The following SORCS2 variants were observed in gnomAD, a reference collection of about 807,000 sequenced individuals.
The protein encoded by SORCS2 is sortilin related VPS10 domain containing receptor 2.
A neutral mutation model predicts 141.6 loss-of-function variants in SORCS2; 100 were observed. The ratio of observed to expected loss-of-function variants is 0.71; its 90% CI spans 0.60 to 0.83. SORCS2 has a LOEUF of 0.83. SORCS2 is among the 40% of genes least tolerant of loss of function. The pLI, the probability that SORCS2 is intolerant of heterozygous loss-of-function variation, is 0.00. For synonymous variants in SORCS2, 789 were observed against 676.9 expected, an observed-to-expected ratio of 1.17 and a Z score of -2.57; for missense variants, 1,646 against 1,560.2, an observed-to-expected ratio of 1.05 and a Z score of -0.93.
intron 4 of SORCS2, 88 bp from the exon 5 acceptor site, chr4:7,654,046 C>T (rs1721600032): frequency 2.5e-6 from 3 of 1,205,538 alleles, no homozygotes; most frequent in Non-Finnish European, 3.6e-6. Context: ...CCTGGGGGAT[C>T]TGCTGTGGTG....
intron 1 of SORCS2, among the ~76,000 whole-genome samples, chr4:7,394,071 G>A (rs769359641): frequency 1.1e-4 from 17 of 150,620 alleles, no homozygotes; most frequent in Non-Finnish European, 1.0e-4. Context: ...AACGCCGCAG[G>A]AACCCAAAGT....
At chr4:7,273,553 G>A (rs1469003340) in intron 1 of SORCS2, among the ~76,000 whole-genome samples, 8 of 152,184 alleles carry the variant, frequency 5.3e-5, no homozygotes, top group Admixed American at 5.2e-4. Flanking sequence ...GCATGTGGGG[G>A]TGGACGTCCA....
chr4:7,315,974 T>TATCC (rs1164499753), intron 1 of SORCS2, among the ~76,000 whole-genome samples: 11 of 152,016 alleles, frequency 7.2e-5, no homozygotes, highest in African/African-American at 2.4e-4. Context: ...CCCATCTATT[T>TATCC]ATCCATCCAT....
intron 1 of SORCS2, among the ~76,000 whole-genome samples, chr4:7,231,008 A>G (rs1711835998): frequency 6.6e-6 from 1 of 152,164 alleles, no homozygotes; most frequent in Admixed American, 6.5e-5. Flanking sequence ...CTATATCCAT[A>G]TCCATATCCA....
intron 1 of SORCS2, among the ~76,000 whole-genome samples, chr4:7,309,811 A>G (rs1442818984): frequency 1.3e-5 from 2 of 152,174 alleles, no homozygotes; most frequent in East Asian, 3.9e-4. Flanking sequence ...GGCCCGCGTA[A>G]CCCACCGGGA....
At chr4:7,620,005 TCTCCTCCTCCTCCTTCCTC>T (rs769616805) in intron 3 of SORCS2, among the ~76,000 whole-genome samples, 1 of 147,456 alleles carries the variant, frequency 6.8e-6, no homozygotes, top group Non-Finnish European at 1.5e-5. Context: ...ACCTCTTTTT[TCTCCTCCTCCTCCTTCCTC>T]CTCCTCCTCC....
intron 10 of SORCS2, among the ~76,000 whole-genome samples, chr4:7,683,194 T>C (rs999128290): frequency 2.6e-5 from 4 of 151,940 alleles, no homozygotes; most frequent in Non-Finnish European, 5.9e-5. Flanking sequence ...GCTCTGCTGA[T>C]CTTGTCTGGG....
chr4:7,635,356 ATC>A (rs1188255363), intron 3 of SORCS2, among the ~76,000 whole-genome samples: 1 of 152,152 alleles, frequency 6.6e-6, no homozygotes, highest in Non-Finnish European at 1.5e-5. Context: ...TCGCTAGGCT[ATC>A]TCTGCAACTT....
At chr4:7,437,070 C>A (rs1727355231) in intron 2 of SORCS2, among the ~76,000 whole-genome samples, 1 of 152,128 alleles carries the variant, frequency 6.6e-6, no homozygotes, top group African/African-American at 2.4e-5. Flanking sequence ...CAACTGGGAG[C>A]CCTGTAATTC....
At chr4:7,351,241 C>A (rs1311919576) in intron 1 of SORCS2, among the ~76,000 whole-genome samples, 1 of 152,200 alleles carries the variant, frequency 6.6e-6, no homozygotes, top group Non-Finnish European at 1.5e-5. Flanking sequence ...TTTACTGGCA[C>A]ATATTCATAA....
intron 2 of SORCS2, among the ~76,000 whole-genome samples, chr4:7,510,954 A>G (rs1732603677): frequency 6.6e-6 from 1 of 152,188 alleles, no homozygotes; most frequent in Non-Finnish European, 1.5e-5. Flanking sequence ...GTTACCTACC[A>G]GGGAGGTTCG....
At chr4:7,457,703 G>A (rs371742566) in intron 2 of SORCS2, among the ~76,000 whole-genome samples, 1 of 151,256 alleles carries the variant, frequency 6.6e-6, no homozygotes, top group African/African-American at 2.4e-5. Flanking sequence ...CAAGCTGACA[G>A]GTGTGAGCTG....
intron 1 of SORCS2, among the ~76,000 whole-genome samples, chr4:7,255,982 G>C (rs915756962): frequency 1.3e-5 from 2 of 150,262 alleles, no homozygotes; most frequent in African/African-American, 4.9e-5. Flanking sequence ...TGGGGACCCG[G>C]GATTGGTGCA....
At chr4:7,718,323 G>A (rs1263254509) in intron 18 of SORCS2, 140 bp downstream of exon 18, 36 of 943,212 alleles carry the variant, frequency 3.8e-5, no homozygotes, top group Admixed American at 1.6e-4. Flanking sequence ...TGTCCAGACT[G>A]AAGGAGGCAG....
intron 1 of SORCS2, among the ~76,000 whole-genome samples, chr4:7,221,758 G>A (rs1264534966): frequency 6.6e-6 from 1 of 152,234 alleles, no homozygotes. Flanking sequence ...CATTCTGTAG[G>A]AGGCCCAGGC....
At position 7,633,584 on chromosome 4, in the gene SORCS2, T is replaced by C. The variant is rs1720037121; in HGVS notation, c.649-4744T>C. On this transcript the variant is annotated intron_variant, in intron 3 of 26. Transcript: ENST00000507866. ...TGGTTTTGCAATGTGAAAGAATGAA[T>C]GAATGAGCCTTCATTCATGTGCAAA... Among the ~76,000 whole-genome samples the C allele has an allele frequency of 1.3e-5, 2 of 152,180 alleles. 1 individual carries two copies. Among genetic ancestry groups the C allele is most frequent in the Non-Finnish European group, 2.9e-5 (2 of 68,042 alleles).
chr4:7,421,889 G>T (rs1287218660), intron 2 of SORCS2, among the ~76,000 whole-genome samples: 2 of 137,272 alleles, frequency 1.5e-5, no homozygotes, highest in African/African-American at 5.3e-5. Flanking sequence ...GGGCGGGCTT[G>T]CAGGAGAGGG....
At chr4:7,724,129 G>GGTGGTGGTGGTGATGGTC in intron 19 of SORCS2, among the ~76,000 whole-genome samples, 1 of 140,782 alleles carries the variant, frequency 7.1e-6, no homozygotes, top group East Asian at 2.3e-4. Flanking sequence ...TGGTGGTGGT[G>GGTGGTGGTGGTGATGGTC]GTGGTGGTGG....
At chr4:7,529,231 G>A (rs1002319337) in intron 2 of SORCS2, among the ~76,000 whole-genome samples, 20 of 152,208 alleles carry the variant, frequency 1.3e-4, no homozygotes, top group Non-Finnish European at 2.6e-4. Context: ...CCTTGTCTAA[G>A]GGGACTTTCT....
Sources: allele counts gnomAD v4.1 joint callset (sites outside exome capture counted in the v4.1 genomes callset), GRCh38; gene constraint gnomAD v4.1.1; transcripts MANE v1.5; gene names NCBI Gene and HGNC (gene_info 2026-07-23, HGNC 2026-07-21).